PIBF1: variants seen among roughly 807,000 people sequenced by gnomAD.
PIBF1 encodes the protein progesterone-induced-blocking factor 1.
PIBF1 carries 90 observed loss-of-function variants against 112.5 expected under a neutral mutation model. That is an observed-to-expected ratio of 0.80 (90% CI 0.67 to 0.95). The LOEUF (loss-of-function observed/expected upper bound fraction) is 0.95. Ranked by LOEUF, PIBF1 falls within the 40% of genes least tolerant of loss-of-function variation. The pLI, the probability that PIBF1 is intolerant of heterozygous loss-of-function variation, is 0.00. For synonymous variants in PIBF1, 301 were observed against 288.6 expected, an observed-to-expected ratio of 1.04 and a Z score of -0.44; for missense variants, 915 against 852.3, an observed-to-expected ratio of 1.07 and a Z score of -0.92.
At position 72,873,551 on chromosome 13, in the gene PIBF1, C is replaced by T. The variant is rs148026868; in HGVS notation, c.1322+19396C>T. On this transcript the variant is annotated intron_variant, in intron 10 of 17. Coordinates refer to ENST00000326291, the MANE Select transcript of PIBF1 (RefSeq NM_006346.4). Reference sequence around the variant, plus strand: ...CCAAGTAGCTGGGATTTCAGGCATGCGTCGCCACGCCCGGCTAATTTTGTA... The same window carrying T: ...CCAAGTAGCTGGGATTTCAGGCATGTGTCGCCACGCCCGGCTAATTTTGTA... Among the ~76,000 whole-genome samples the T allele has an allele frequency of 7.0e-3, 1,061 of 152,040 alleles. 15 individuals are homozygous for T. The highest frequency in any genetic ancestry group is 0.025 in the African/African-American group (1,021 of 41,464).
intron 11 of PIBF1, among the ~76,000 whole-genome samples, chr13:72,894,580 C>T (rs1356722035): frequency 6.6e-6 from 1 of 151,452 alleles, no homozygotes; most frequent in African/African-American, 2.4e-5. Flanking sequence ...AGAATTTATA[C>T]ATGGTAAAGG....
chr13:72,985,014 TTTCGGTTA>T (rs2043240601), intron 16 of PIBF1, among the ~76,000 whole-genome samples: 1 of 152,166 alleles, frequency 6.6e-6, no homozygotes, highest in South Asian at 2.1e-4. Context: ...TGTGATATGT[TTTCGGTTA>T]AATTAAAAGT....
Position 72,835,368 on chromosome 13 carries a change from G to T in PIBF1, c.1223G>T (p.Arg408Ile). 2 of 1,535,990 alleles carry T rather than the reference G, an allele frequency of 1.3e-6. No homozygotes were observed. The highest frequency in any genetic ancestry group is 1.3e-5 in the South Asian group (1 of 79,874). The change falls in exon 9 of 18, where the codon AGA (arginine) becomes ATA (isoleucine). Residue 408 changes from arginine (R) to isoleucine (I), a missense_variant and splice_region_variant. Physicochemically the swap from Arg to Ile is moderately conservative, Grantham distance 97 (BLOSUM62 -3). Coordinates refer to ENST00000326291, the MANE Select transcript of PIBF1 (RefSeq NM_006346.4). ...ASREMYEREN[R>I]NLREARDNAV... ...AGGGAAATGTATGAACGAGAAAACA[G>T]GTAAAAAAAAAAAAATGCTTGTATG...
rs149849617 is a variant in PIBF1, at chr13:72,997,802, A to G, written c.2050-1020A>G. On this transcript the variant is annotated intron_variant, in intron 16 of 17. Coordinates refer to ENST00000326291, the MANE Select transcript of PIBF1 (RefSeq NM_006346.4). ...ACCACTGTTCTGTTCTGATAAATAAAGATTAAGAAGAGTTTAGCCTGTCAT... is the reference window on the plus strand; with the variant it reads ...ACCACTGTTCTGTTCTGATAAATAAGGATTAAGAAGAGTTTAGCCTGTCAT... Among the ~76,000 whole-genome samples, 884 of 152,362 alleles carry G rather than the reference A, an allele frequency of 5.8e-3. 3 individuals carry two copies. Among genetic ancestry groups the G allele is most frequent in the Non-Finnish European group, 8.1e-3 (553 of 68,036 alleles).
At chr13:72,849,821 G>A (rs917453459) in intron 9 of PIBF1, among the ~76,000 whole-genome samples, 3 of 152,132 alleles carry the variant, frequency 2.0e-5, no homozygotes, top group African/African-American at 7.2e-5. Context: ...TACTTCCTGT[G>A]TGACTTTAAG....
Position 72,893,918 on chromosome 13 carries a change from T to C in PIBF1, c.1457T>C (p.Leu486Ser). The C allele has an allele frequency of 6.2e-7, 1 of 1,605,320 alleles. No homozygotes were observed. Among genetic ancestry groups the C allele is most frequent in the Non-Finnish European group, 8.5e-7 (1 of 1,176,362 alleles). Residue 486 changes from leucine to serine, a missense_variant, in exon 11 of 18, where the codon TTG becomes TCG. Coordinates refer to ENST00000326291, the MANE Select transcript of PIBF1 (RefSeq NM_006346.4). Reference protein sequence around the residue: ...ETARNLTQCQLECEKYQKKLE... With the variant: ...ETARNLTQCQSECEKYQKKLE... ...GCAAGAAATCTCACACAGTGTCAAT[T>C]GGAATGTGAAAAATATCAGAAAAAA...
At chr13:72,897,910 CAAAG>C (rs1286772427) in intron 11 of PIBF1, among the ~76,000 whole-genome samples, 5 of 152,078 alleles carry the variant, frequency 3.3e-5, no homozygotes, top group African/African-American at 1.2e-4. Context: ...AGAAAGTCAA[CAAAG>C]AAACAATGGA....
chr13:72,854,578 C>G (rs925516183), intron 10 of PIBF1, among the ~76,000 whole-genome samples: 4 of 152,114 alleles, frequency 2.6e-5, no homozygotes, highest in Admixed American at 2.0e-4. Flanking sequence ...GTAGTTCATT[C>G]CTTGTTGTTG....
In PIBF1 at chr13:72,998,372, C is replaced by A. The variant is rs573805360; in HGVS notation, c.2050-450C>A. Among the ~76,000 whole-genome samples, 8 of 152,012 alleles carry A rather than the reference C, an allele frequency of 5.3e-5. No homozygotes were observed. The South Asian group carries it at 1.5e-3, about 28-fold the overall frequency. ...GCGCCTGTAGTCCCAGCTACTCAGG[C>A]ACTGAGGCAGGAGGATGGCTTGAGC... On this transcript the variant is annotated intron_variant, in intron 16 of 17. Transcript: ENST00000326291.
chr13:72,855,681 T>C (rs1204268370), intron 10 of PIBF1, among the ~76,000 whole-genome samples: 2 of 152,070 alleles, frequency 1.3e-5, no homozygotes, highest in Admixed American at 6.5e-5. Context: ...CTAAAAAAAA[T>C]AAAGATCATG....
intron 11 of PIBF1, among the ~76,000 whole-genome samples, chr13:72,906,552 C>G (rs1222302402): frequency 1.3e-5 from 2 of 152,028 alleles, no homozygotes; most frequent in Non-Finnish European, 2.9e-5. Flanking sequence ...AATAGGTTTA[C>G]TTATAACAAC....
At chr13:72,920,745 C>T (rs527662304) in intron 13 of PIBF1, among the ~76,000 whole-genome samples, 1 of 152,056 alleles carries the variant, frequency 6.6e-6, no homozygotes, top group African/African-American at 2.4e-5. Context: ...TATAATTGCA[C>T]CTGTGACTAG....
intron 8 of PIBF1, 75 bp from the exon 9 acceptor site, chr13:72,835,168 A>G: frequency 9.4e-7 from 1 of 1,065,260 alleles, no homozygotes; most frequent in Non-Finnish European, 1.3e-6. Context: ...AAAAGGTATT[A>G]AAATCTTACG....
Position 72,782,330 on chromosome 13 carries a change from G to A in PIBF1, c.-67G>A, listed in dbSNP as rs935446196. The A allele has an allele frequency of 1.3e-5, 2 of 154,500 alleles. No homozygotes were observed. Among genetic ancestry groups the A allele is most frequent in the Non-Finnish European group, 2.9e-5 (2 of 69,542 alleles). The allele number at this position is 154,500 out of a possible 1,614,324, so 9.6% of individuals were successfully genotyped here. A position where few individuals can be genotyped will look rare whatever the true frequency, so the allele number is the denominator to read the frequency against. Reference sequence around the variant, plus strand: ...GGCTGCTGGTCAAGGCTTCAGTGTGGAGTAATTGACACTTTCGAGGTAACT... The same window carrying A: ...GGCTGCTGGTCAAGGCTTCAGTGTGAAGTAATTGACACTTTCGAGGTAACT... On this transcript the variant is annotated 5_prime_UTR_variant, in exon 1 of 18. Coordinates refer to ENST00000326291, the MANE Select transcript of PIBF1 (RefSeq NM_006346.4).
chr13:72,877,140 G>A (rs2039442485), intron 10 of PIBF1, among the ~76,000 whole-genome samples: 1 of 152,178 alleles, frequency 6.6e-6, no homozygotes, highest in Non-Finnish European at 1.5e-5. Context: ...ACAGGATCAT[G>A]TGGTTTTTTT....
intron 13 of PIBF1, among the ~76,000 whole-genome samples, chr13:72,924,512 A>G (rs191987538): frequency 2.0e-5 from 3 of 152,274 alleles, no homozygotes; most frequent in African/African-American, 7.2e-5. Flanking sequence ...ACCTGAGCCC[A>G]GGAGTTTGAG....
chr13:72,870,606 G>A (rs2039120818), intron 10 of PIBF1, among the ~76,000 whole-genome samples: 2 of 152,088 alleles, frequency 1.3e-5, no homozygotes, highest in African/African-American at 2.4e-5. Context: ...TTTTGAAAGA[G>A]CTGAAATACA....
intron 16 of PIBF1, among the ~76,000 whole-genome samples, chr13:72,980,063 C>G (rs1402454425): frequency 6.6e-6 from 1 of 151,976 alleles, no homozygotes; most frequent in Admixed American, 6.5e-5. Context: ...TACAAAGAAC[C>G]TAGAAGAAAG....
chr13:72,926,807 G>GT (rs2041499074), intron 13 of PIBF1, among the ~76,000 whole-genome samples: 2 of 152,050 alleles, frequency 1.3e-5, no homozygotes, highest in Non-Finnish European at 2.9e-5. Context: ...TTATTCCTTA[G>GT]TGGTATGCCT....
Sources: gnomAD v4.1 joint callset for allele counts (sites outside exome capture counted in the v4.1 genomes callset) on GRCh38, gnomAD v4.1.1 for gene constraint, MANE v1.5 for transcripts, NCBI Gene and HGNC (gene_info 2026-07-23, HGNC 2026-07-21) for gene names.